The following RBFOX3 variants were observed in gnomAD, a reference collection of about 807,000 sequenced individuals.
RBFOX3 encodes RNA binding protein fox-1 homolog 3.
Under a neutral mutation model 48.7 loss-of-function variants are expected in RBFOX3, and 17 were observed. The ratio of observed to expected loss-of-function variants is 0.35; its 90% CI spans 0.24 to 0.52. The LOEUF (loss-of-function observed/expected upper bound fraction) is 0.52, where lower values mean the gene tolerates loss of function less well. Among genes scored for constraint, RBFOX3 ranks in the 20% least tolerant of loss-of-function variants. The pLI is 0.94. For missense variants in RBFOX3, 382 were observed against 497.5 expected (o/e 0.77, Z 2.21); for synonymous variants, 212 against 209.5 (o/e 1.01, Z -0.10).
the RBFOX3 span, among the ~76,000 whole-genome samples, chr17:79,650,821 C>T: frequency 1.6e-4 from 25 of 152,298 alleles, no homozygotes; most frequent in Admixed American, 5.9e-4. Flanking sequence ...CACCAGTCCC[C>T]GGCATCTCCA....
chr17:79,330,743 T>G (rs2080154721), intron 2 of RBFOX3, among the ~76,000 whole-genome samples: 1 of 152,144 alleles, frequency 6.6e-6, no homozygotes, highest in South Asian at 2.1e-4. Context: ...GGGTCTTCTC[T>G]GGGTCTGAAG....
chr17:79,133,418 C>A (rs1390187194), intron 4 of RBFOX3, among the ~76,000 whole-genome samples: 1 of 152,198 alleles, frequency 6.6e-6, no homozygotes, highest in Non-Finnish European at 1.5e-5. Flanking sequence ...TTGCTGAGCA[C>A]CTACTAGCCA....
At chr17:79,223,615 G>A (rs780067725) in intron 4 of RBFOX3, among the ~76,000 whole-genome samples, 1 of 152,176 alleles carries the variant, frequency 6.6e-6, no homozygotes, top group African/African-American at 2.4e-5. Flanking sequence ...TCAGGCCAGT[G>A]GCGTGAGACA....
chr17:79,403,942 G>A (rs2063187113), intron 2 of RBFOX3, among the ~76,000 whole-genome samples: 1 of 152,070 alleles, frequency 6.6e-6, no homozygotes, highest in African/African-American at 2.4e-5. Context: ...ACCACGCCTG[G>A]CTAAGTTTTG....
the RBFOX3 span, among the ~76,000 whole-genome samples, chr17:79,657,994 G>GGA: frequency 2.6e-5 from 4 of 152,212 alleles, no homozygotes; most frequent in South Asian, 4.2e-4. Context: ...TCACTTTAGT[G>GGA]GAGAGAGAGA....
At chr17:79,266,662 C>T (rs2066760464) in intron 3 of RBFOX3, among the ~76,000 whole-genome samples, 1 of 151,952 alleles carries the variant, frequency 6.6e-6, no homozygotes. Context: ...GAGACACCAA[C>T]TTTGTGATTA....
intron 4 of RBFOX3, among the ~76,000 whole-genome samples, chr17:79,187,135 G>A (rs375905702): frequency 5.3e-5 from 8 of 152,360 alleles, no homozygotes; most frequent in African/African-American, 1.7e-4. Flanking sequence ...CAAAAGGTGG[G>A]CCAAATGAGT....
intron 2 of RBFOX3, among the ~76,000 whole-genome samples, chr17:79,329,251 C>A (rs932285439): frequency 6.6e-6 from 1 of 152,102 alleles, no homozygotes; most frequent in Non-Finnish European, 1.5e-5. Flanking sequence ...TGTATGGAAA[C>A]AAACTCCCTT....
intron 2 of RBFOX3, among the ~76,000 whole-genome samples, chr17:79,464,187 C>A (rs145149148): frequency 6.6e-6 from 1 of 152,244 alleles, no homozygotes; most frequent in Non-Finnish European, 1.5e-5. Context: ...GAGGCCTCTG[C>A]GAAACGGGCG....
chr17:79,223,551 G>A (rs999801099), intron 4 of RBFOX3, among the ~76,000 whole-genome samples: 3 of 152,188 alleles, frequency 2.0e-5, no homozygotes, highest in South Asian at 2.1e-4. Flanking sequence ...ATGGAAACCC[G>A]ACCCTGCACT....
chr17:79,664,562 G>C, the RBFOX3 span, among the ~76,000 whole-genome samples: 1 of 152,152 alleles, frequency 6.6e-6, no homozygotes, highest in South Asian at 2.1e-4. Flanking sequence ...TGGCCAGGCT[G>C]GTCTCGAACT....
At chr17:79,428,845 G>A (rs2067884023) in intron 2 of RBFOX3, among the ~76,000 whole-genome samples, 1 of 152,238 alleles carries the variant, frequency 6.6e-6, no homozygotes, top group Non-Finnish European at 1.5e-5. Context: ...CTGTCTGTAT[G>A]AATTTAACTG....
intron 2 of RBFOX3, among the ~76,000 whole-genome samples, chr17:79,315,372 G>A (rs529799335): frequency 6.6e-5 from 10 of 152,310 alleles, no homozygotes; most frequent in Middle Eastern, 3.4e-3. Context: ...CGAGAAGGAG[G>A]CCAGAAAGTG....
intron 2 of RBFOX3, among the ~76,000 whole-genome samples, chr17:79,475,467 G>A (rs1186807642): frequency 2.0e-5 from 3 of 152,126 alleles, no homozygotes; most frequent in Non-Finnish European, 4.4e-5. Context: ...TTCCTCCCTG[G>A]CAGCCTTGGA....
At chr17:79,233,488 C>G (rs1050810175) in intron 4 of RBFOX3, 18 of 152,162 alleles carry the variant, frequency 1.2e-4, no homozygotes, top group African/African-American at 4.1e-4. Flanking sequence ...ATTGCATACT[C>G]TCTGTGATGT....
intron 4 of RBFOX3, chr17:79,183,211 C>T (rs1392171598): frequency 1.3e-5 from 2 of 148,392 alleles, no homozygotes; most frequent in African/African-American, 2.5e-5. Flanking sequence ...GGCGGCAGCG[C>T]GGGGCGCACG....
At position 79,111,453 on chromosome 17, in the gene RBFOX3, T is replaced by G. The variant is rs1477273780; in HGVS notation, c.222+4041A>C. The stretch of plus-strand genomic sequence containing the variant: ...ATCTGCGTGCTAATCTCTCTCTCTT[T>G]TTCTCAGAGTTTTGCTCTGTCGCCC... On this transcript the variant is annotated intron_variant, in intron 5 of 14. Coordinates refer to ENST00000693108, the MANE Select transcript of RBFOX3 (RefSeq NM_001350451.2). This position sits in a 1 kb window ranked among gnomAD's most constrained non-coding sequence, Gnocchi z 4.2. Among the ~76,000 whole-genome samples, 1 of 152,170 alleles carries G rather than the reference T, an allele frequency of 6.6e-6. No individual in the cohort carries two copies. The highest frequency in any genetic ancestry group is 1.5e-5 in the Non-Finnish European group (1 of 68,016).
intron 1 of RBFOX3, among the ~76,000 whole-genome samples, chr17:79,538,615 C>A (rs1049640755): frequency 6.6e-6 from 1 of 152,238 alleles, no homozygotes; most frequent in East Asian, 1.9e-4. Flanking sequence ...GCCTTTAGGG[C>A]AGCAGTAGGG....
chr17:79,456,237 C>A (rs1408059538), intron 2 of RBFOX3, among the ~76,000 whole-genome samples: 2 of 152,216 alleles, frequency 1.3e-5, no homozygotes, highest in African/African-American at 2.4e-5. Flanking sequence ...GGGCATCATC[C>A]TTGCTCTGTC....
Sources: gnomAD v4.1 joint callset for allele counts (sites outside exome capture counted in the v4.1 genomes callset) on GRCh38, gnomAD v4.1.1 for gene constraint, Gnocchi (gnomAD v3.1) non-coding constraint, MANE v1.5 for transcripts, NCBI Gene and HGNC (gene_info 2026-07-23, HGNC 2026-07-21) for gene names.